The following RBM41 variants were observed in gnomAD, a reference collection of about 807,000 sequenced individuals.
RBM41 encodes the protein RNA-binding protein 41.
Under a neutral mutation model 30.8 loss-of-function variants are expected in RBM41, and 14 were observed. The observed-to-expected ratio is 0.45, with a 90% CI of 0.30 to 0.71. The LOEUF (loss-of-function observed/expected upper bound fraction) is 0.71. RBM41 is among the 30% of genes least tolerant of loss of function. The probability of loss-of-function intolerance (pLI) is 0.08; values close to 1 mark genes in which losing one functional copy is unlikely to be tolerated. For missense variants in RBM41, 276 were observed against 326.3 expected (o/e 0.85, Z 1.19); for synonymous variants, 120 against 110.1 (o/e 1.09, Z -0.56).
intron 2 of RBM41, chrX:107,116,308 T>C: frequency 2.3e-6 from 2 of 873,210 alleles, no homozygotes; most frequent in Non-Finnish European, 2.9e-6. Flanking sequence ...GTACTAAGGA[T>C]TTAATAGCTT....
At chrX:107,104,128 T>C (rs895135186) in intron 5 of RBM41, among the ~76,000 whole-genome samples, 1 of 110,637 alleles carries the variant, frequency 9.0e-6, no homozygotes, top group Non-Finnish European at 1.9e-5. Context: ...TTTACCAGTA[T>C]ATCACTACAG....
chrX:107,062,257 T>C lies in RBM41; in HGVS notation c.*5270A>G, dbSNP rs1357532997. Among the ~76,000 whole-genome samples, 2 of 112,095 alleles carry C rather than the reference T, an allele frequency of 1.8e-5. No homozygotes were observed. Among genetic ancestry groups the C allele is most frequent in the East Asian group, 5.6e-4 (2 of 3,596 alleles). ...TGTATTTCATTAGTTTATTGCTGAG[T>C]AGGATTCCATTGCATGGATATACTA... is the stretch of plus-strand genomic sequence containing the variant. On this transcript the variant is annotated 3_prime_UTR_variant, in exon 8 of 8. Transcript: ENST00000685964.
In RBM41 at chrX:107,064,310, T is replaced by C. The variant is rs780286927; in HGVS notation, c.*3217A>G. 4 of 111,586 alleles carry C rather than the reference T, an allele frequency of 3.6e-5. No homozygotes were observed. The highest frequency in any genetic ancestry group is 7.5e-5 in the Non-Finnish European group (4 of 53,121). 9.2% of individuals were successfully genotyped at this position (111,586 alleles called of 1,213,427 possible). A position where few individuals can be genotyped will look rare whatever the true frequency, so the allele number is the denominator to read the frequency against. ...ATAGATTTCCCTGTAAACACTGCTT[T>C]AGCTGCATCTTGTAAGTTTTGGTTT... On this transcript the variant is annotated 3_prime_UTR_variant, in exon 8 of 8. Transcript: ENST00000685964.
chrX:107,084,374 T>C (rs1240852253), intron 6 of RBM41, among the ~76,000 whole-genome samples: 2 of 111,147 alleles, frequency 1.8e-5, no homozygotes, highest in African/African-American at 6.6e-5. Context: ...TTTTTCTCTC[T>C]TAGATGAGAC....
chrX:107,115,484 G>A lies in RBM41; in HGVS notation c.391C>T (p.Arg131Cys). The stretch of plus-strand genomic sequence containing the variant: ...TGTGGCAGGCAAAGAATGCGCTGAC[G>A]CTCCGAGATCCTTTCTTCAATATCT... ...LQDIEERISE[R>C]QRILCLPQRF... The change falls in exon 4 of 8, where the codon CGT becomes TGT. Residue 131 changes from arginine to cysteine, a missense_variant. Transcript: ENST00000685964. 3 of 1,211,377 alleles carry A rather than the reference G, an allele frequency of 2.5e-6. No individual in the cohort carries two copies. Among genetic ancestry groups the A allele is most frequent in the Non-Finnish European group, 3.4e-6 (3 of 895,313 alleles).
intron 5 of RBM41, among the ~76,000 whole-genome samples, chrX:107,105,613 A>G (rs1923896208): frequency 9.0e-6 from 1 of 111,512 alleles, no homozygotes; most frequent in Non-Finnish European, 1.9e-5. Context: ...CCTGACTTCA[A>G]ACTATACTAC....
intron 6 of RBM41, among the ~76,000 whole-genome samples, chrX:107,087,322 C>T (rs954350519): frequency 7.2e-5 from 8 of 110,791 alleles, no homozygotes; most frequent in Non-Finnish European, 1.5e-4. Context: ...AGTATAAATA[C>T]CCCCGAACTA....
At chrX:107,105,190 G>A (rs1923848224) in intron 5 of RBM41, among the ~76,000 whole-genome samples, 1 of 111,365 alleles carries the variant, frequency 9.0e-6, no homozygotes, top group Non-Finnish European at 1.9e-5. Flanking sequence ...CAAAATCAAT[G>A]TGCAAAAATC....
intron 5 of RBM41, among the ~76,000 whole-genome samples, chrX:107,102,346 GT>G (rs1210965317): frequency 9.0e-6 from 1 of 111,578 alleles, no homozygotes; most frequent in Admixed American, 9.6e-5. Flanking sequence ...AGAAGGAACT[GT>G]TAAGAAAAAA....
At chrX:107,093,626 C>T (rs1922738511) in intron 5 of RBM41, among the ~76,000 whole-genome samples, 1 of 111,598 alleles carries the variant, frequency 9.0e-6, no homozygotes, top group Admixed American at 9.5e-5. Flanking sequence ...GCTTTAAATG[C>T]CTGTATTGGA....
Position 107,069,455 on chromosome X carries a change from CTTTGTT to C in RBM41, c.1000-59_1000-54del, listed in dbSNP as rs898990228. The C allele has an allele frequency of 8.9e-6, 10 of 1,124,682 alleles. No homozygotes were observed. In the African/African-American group the frequency reaches 1.5e-4, roughly 17 times the overall value. The allele number at this position is 1,124,682 out of a possible 1,213,427, so 92.7% of individuals were successfully genotyped here. The stretch of plus-strand genomic sequence containing the variant: ...TATCATATAAAGGAGGTAAGGCACT[CTTTGTT>C]TTTTTCTTTTTGAGACAAAGTCTCA... On this transcript the variant is annotated intron_variant, in intron 6 of 7. Coordinates refer to ENST00000685964, the MANE Select transcript of RBM41 (RefSeq NM_001324242.2).
chrX:107,089,063 A>G (rs138580325), intron 5 of RBM41, among the ~76,000 whole-genome samples: 2,210 of 111,672 alleles, frequency 0.02, 19 homozygotes, highest in Middle Eastern at 0.032. Flanking sequence ...ACCTAGAGTC[A>G]TGCAAATATA....
Position 107,116,636 on chromosome X carries a change from A to G in RBM41, c.125+14T>C. 3 of 1,208,839 alleles carry G rather than the reference A, an allele frequency of 2.5e-6. No individual in the cohort carries two copies. The highest frequency in any genetic ancestry group is 3.4e-6 in the Non-Finnish European group (3 of 894,720). On this transcript the variant is annotated intron_variant, in intron 2 of 7. Coordinates refer to ENST00000685964, the MANE Select transcript of RBM41 (RefSeq NM_001324242.2). ...GAGTCTATGATACTCTCCGTTTGCA[A>G]AATCAATACCTACTCCTCAATGGAG...
At chrX:107,113,533 C>T (rs1924665848) in intron 4 of RBM41, 65 bp from the exon 5 acceptor site, 2 of 974,958 alleles carry the variant, frequency 2.1e-6, no homozygotes, top group African/African-American at 4.0e-5. Context: ...AACCACCCAC[C>T]CTCCACCCCA....
chrX:107,055,332 TA>T, the RBM41 span, among the ~76,000 whole-genome samples: 10 of 111,899 alleles, frequency 8.9e-5, no homozygotes, highest in Non-Finnish European at 1.5e-4. Flanking sequence ...ATTTTTTTAT[TA>T]TTTTTTTTTG....
Position 107,088,827 on chromosome X carries a change from T to C in RBM41, c.608A>G (p.Lys203Arg). ...IKLGTKDEPQKKNKGDPMNNL... is the reference protein window; with the variant it reads ...IKLGTKDEPQRKNKGDPMNNL... ...GTTCATGGGATCACCTTTGTTCTTC[T>C]TTTGGGGTTCATCTGGATCAAGACA... The change falls in exon 6 of 8, where the codon AAG becomes AGG. Residue 203 changes from lysine (K) to arginine (R), a missense_variant. By Grantham distance (26) the Lys-to-Arg change is conservative (BLOSUM62 2). Coordinates refer to ENST00000685964, the MANE Select transcript of RBM41 (RefSeq NM_001324242.2). 8.3e-7 allele frequency: 1 copy of C among 1,203,174 alleles called. No individual in the cohort carries two copies. The highest frequency in any genetic ancestry group is 3.0e-5 in the East Asian group (1 of 33,732).
At chrX:107,100,280 T>C (rs1923337310) in intron 5 of RBM41, among the ~76,000 whole-genome samples, 1 of 111,828 alleles carries the variant, frequency 8.9e-6, no homozygotes, top group Admixed American at 9.5e-5. Context: ...TTGGCCAACA[T>C]GGCGTGTGCC....
intron 1 of RBM41, among the ~76,000 whole-genome samples, chrX:107,118,392 G>A (rs1827825555): frequency 2.7e-5 from 3 of 111,817 alleles, no homozygotes; most frequent in South Asian, 7.6e-4. Flanking sequence ...GGAGGTGGAG[G>A]TAGGGGAGAA....
chrX:107,070,324 T>C (rs780727568), intron 6 of RBM41: 1 of 330,132 alleles, frequency 3.0e-6, no homozygotes, highest in African/African-American at 2.6e-5. Flanking sequence ...ATACTAAATG[T>C]TGAGGTCCTC....
Sources: allele counts gnomAD v4.1 joint callset (sites outside exome capture counted in the v4.1 genomes callset), GRCh38; gene constraint gnomAD v4.1.1; transcripts MANE v1.5; gene names NCBI Gene and HGNC (gene_info 2026-07-23, HGNC 2026-07-21).